The following DOCK7 variants were observed in gnomAD, a reference collection of about 807,000 sequenced individuals.
DOCK7 encodes dedicator of cytokinesis protein 7.
In DOCK7, 138 loss-of-function variants were observed where a neutral mutation model predicts 271.0. The observed-to-expected ratio is 0.51, with a 90% CI of 0.44 to 0.59. The LOEUF is 0.59. DOCK7 is among the 20% of genes least tolerant of loss of function. The probability of loss-of-function intolerance (pLI) is 0.00; values close to 1 mark genes in which losing one functional copy is unlikely to be tolerated. For synonymous variants in DOCK7, 823 were observed against 876.1 expected (o/e 0.94, Z 1.07); for missense variants, 2,066 against 2,592.4 (o/e 0.80, Z 4.41).
rs1177976784 is a variant in DOCK7, at chr1:62,602,284, G to C, written c.1683-15660C>G. ...TACATGATTTCATTCATTATATTCA[G>C]GTAGTCCATGGACATTAATTCAACA... is the stretch of plus-strand genomic sequence containing the variant. On this transcript the variant is annotated intron_variant, in intron 14 of 49. Transcript: ENST00000635253. 4 of 1,600,884 alleles carry C rather than the reference G, an allele frequency of 2.5e-6. No homozygotes were observed. In the African/African-American group the frequency reaches 5.4e-5, roughly 21 times the overall value.
Position 62,555,978 on chromosome 1 carries a change from G to T in DOCK7, c.2443C>A (p.Gln815Lys). The T allele has an allele frequency of 6.2e-7, 1 of 1,613,198 alleles. No individual in the cohort carries two copies. Among genetic ancestry groups the T allele is most frequent in the South Asian group, 1.1e-5 (1 of 90,888 alleles). Residue 815 changes from glutamine to lysine, a missense_variant, in exon 21 of 50, where the codon CAA (glutamine) becomes AAA (lysine). By Grantham distance (53) the Gln-to-Lys change is moderately conservative (BLOSUM62 1). Coordinates refer to ENST00000635253, the MANE Select transcript of DOCK7 (RefSeq NM_001367561.1). ...GATGCCATGGCTTCAAAAGATGCTT[G>T]ACCTAGGTTAACTTTTAAGAAAGAA... ...VIAGQIVNLG[Q>K]ASFEAMASII...
intron 28 of DOCK7, among the ~76,000 whole-genome samples, chr1:62,537,455 G>A (rs139353482): frequency 7.9e-5 from 12 of 151,956 alleles, no homozygotes; most frequent in East Asian, 5.8e-4. Flanking sequence ...GCATAGTGGC[G>A]CACGTCTGTA....
At chr1:62,467,675 T>C (rs1645717703) in intron 48 of DOCK7, among the ~76,000 whole-genome samples, 1 of 152,152 alleles carries the variant, frequency 6.6e-6, no homozygotes, top group Non-Finnish European at 1.5e-5. Context: ...CTACCAGACA[T>C]TCAAAGAAGA....
chr1:62,628,668 G>A (rs1377075703), intron 11 of DOCK7: 1 of 152,006 alleles, frequency 6.6e-6, no homozygotes, highest in Non-Finnish European at 1.5e-5. Flanking sequence ...CAAAAGCACA[G>A]TGACAAAAGA....
At position 62,552,869 on chromosome 1, in the gene DOCK7, C is replaced by T; in HGVS notation, c.2629G>A (p.Ala877Thr). Reference protein sequence around the residue: ...PGGLGGSVHYATMARSAVRPA... With the variant: ...PGGLGGSVHYTTMARSAVRPA... ...CTCACCGCAGATCTAGCCATTGTGG[C>T]ATAATGCACTGATCCTCCCAAACCC... is the stretch of plus-strand genomic sequence containing the variant. Residue 877 changes from alanine to threonine, a missense_variant, in exon 22 of 50, where the codon GCC becomes ACC. Around this residue, in one of 2 missense-constraint regions of DOCK7, gnomAD observed 1,414 missense variants for 1,670.4 expected, o/e 0.85. Transcript: ENST00000635253. The T allele has an allele frequency of 1.2e-6, 2 of 1,612,768 alleles. No individual in the cohort carries two copies. The highest frequency in any genetic ancestry group is 1.7e-6 in the Non-Finnish European group (2 of 1,179,492).
rs375023754 is a variant in DOCK7, at chr1:62,679,942, C to T, written c.38+8285G>A. Among the ~76,000 whole-genome samples, 905 of 152,192 alleles carry T rather than the reference C, an allele frequency of 5.9e-3. 7 individuals carry two copies. Among genetic ancestry groups the T allele is most frequent in the African/African-American group, 0.021 (852 of 41,528 alleles). ...GCTCATGGATAGGAAGAATCAATAT[C>T]GTGAAAATGGCCATACTGCCCAAGG... On this transcript the variant is annotated intron_variant, in intron 1 of 49. Coordinates refer to ENST00000635253, the MANE Select transcript of DOCK7 (RefSeq NM_001367561.1).
chr1:62,486,647 A>G (rs187063530), intron 43 of DOCK7: 23 of 152,238 alleles, frequency 1.5e-4, no homozygotes, highest in Non-Finnish European at 2.5e-4. Context: ...AAGCATGTGT[A>G]GTCTTATCAA....
intron 22 of DOCK7, among the ~76,000 whole-genome samples, chr1:62,545,984 T>C (rs1481117708): frequency 6.6e-6 from 1 of 152,114 alleles, no homozygotes; most frequent in Non-Finnish European, 1.5e-5. Context: ...CTGGAGCAAG[T>C]TGTAAAAGAT....
intron 10 of DOCK7, among the ~76,000 whole-genome samples, 171 bp downstream of exon 10, chr1:62,633,327 T>C (rs533679656): frequency 6.6e-6 from 1 of 152,202 alleles, no homozygotes; most frequent in Non-Finnish European, 1.5e-5. Context: ...GAAAGGAAGA[T>C]AGGAAGTGGG....
chr1:62,523,845 T>A (rs957847928), intron 31 of DOCK7, among the ~76,000 whole-genome samples: 2 of 152,054 alleles, frequency 1.3e-5, no homozygotes, highest in African/African-American at 2.4e-5. Flanking sequence ...CCAGCCTGGG[T>A]GACAGAGCAA....
chr1:62,536,963 C>T (rs1645365474), intron 28 of DOCK7, among the ~76,000 whole-genome samples: 1 of 152,184 alleles, frequency 6.6e-6, no homozygotes, highest in African/African-American at 2.4e-5. Context: ...AGAGAACCTA[C>T]TAGCTGTTGA....
At chr1:62,636,721 T>C in intron 7 of DOCK7, 118 bp from the exon 8 acceptor site, 2 of 757,896 alleles carry the variant, frequency 2.6e-6, no homozygotes, top group South Asian at 1.9e-5. Flanking sequence ...ACCTGTGCCT[T>C]TGCCTATATT....
chr1:62,651,414 A>C (rs1385647576), intron 4 of DOCK7, among the ~76,000 whole-genome samples: 2 of 150,074 alleles, frequency 1.3e-5, no homozygotes, highest in East Asian at 2.0e-4. Flanking sequence ...CAAACCTGCA[A>C]GTTGTGCACA....
At chr1:62,608,594 T>C (rs1651342605) in intron 14 of DOCK7, 1 of 152,132 alleles carries the variant, frequency 6.6e-6, no homozygotes, top group Non-Finnish European at 1.5e-5. Flanking sequence ...ATAATAAAAA[T>C]TCTGAAAAAT....
chr1:62,659,694 A>C lies in DOCK7; in HGVS notation c.144+3331T>G, dbSNP rs563851803. Among the ~76,000 whole-genome samples, 21 of 152,314 alleles carry C rather than the reference A, an allele frequency of 1.4e-4. No homozygotes were observed. In the East Asian group the frequency reaches 3.7e-3, roughly 27 times the overall value. ...AATAACACAACATAGGTAGGTTGAA[A>C]ATAGAAGTATGGAAAAAGATATACC... On this transcript the variant is annotated intron_variant, in intron 2 of 49. Transcript: ENST00000635253.
chr1:62,606,186 G>A (rs921763323), intron 14 of DOCK7: 4 of 151,690 alleles, frequency 2.6e-5, no homozygotes, highest in African/African-American at 7.3e-5. Context: ...CTAAGCTGTC[G>A]AAATTAACGC....
At chr1:62,561,283 C>T (rs1646314697) in intron 19 of DOCK7, among the ~76,000 whole-genome samples, 1 of 152,034 alleles carries the variant, frequency 6.6e-6, no homozygotes, top group Non-Finnish European at 1.5e-5. Flanking sequence ...AAACTCTTTC[C>T]ATTTGAAATA....
intron 41 of DOCK7, among the ~76,000 whole-genome samples, chr1:62,489,428 G>A (rs770189282): frequency 3.3e-5 from 5 of 152,084 alleles, no homozygotes; most frequent in Non-Finnish European, 5.9e-5. Flanking sequence ...CAGCCTGGGC[G>A]ACAGAGCGAG....
At chr1:62,588,308 T>C (rs760046873) in intron 14 of DOCK7, among the ~76,000 whole-genome samples, 3 of 152,140 alleles carry the variant, frequency 2.0e-5, no homozygotes, top group East Asian at 1.9e-4. Context: ...CATAGTATAA[T>C]GGGATAAAAA....
Sources: allele counts gnomAD v4.1 joint callset (sites outside exome capture counted in the v4.1 genomes callset), GRCh38; gene constraint gnomAD v4.1.1; regional missense constraint gnomAD v4.1.1; transcripts MANE v1.5; gene names NCBI Gene and HGNC (gene_info 2026-07-23, HGNC 2026-07-21).